ASTN2: variants seen among roughly 807,000 people sequenced by gnomAD.
ASTN2 encodes astrotactin-2.
ASTN2 carries 54 observed loss-of-function variants against 139.8 expected under a neutral mutation model. The observed-to-expected ratio is 0.39, with a 90% confidence interval of 0.31 to 0.48. The LOEUF (loss-of-function observed/expected upper bound fraction) is 0.48, where lower values mean the gene tolerates loss of function less well. Ranked by LOEUF, ASTN2 falls within the 20% of genes least tolerant of loss-of-function variation. The pLI is 0.95. For synonymous variants in ASTN2, 756 were observed against 719.5 expected (o/e 1.05, Z -0.81); for missense variants, 1,565 against 1,725.1 (o/e 0.91, Z 1.64).
Position 116,800,152 on chromosome 9 carries a change from C to T in ASTN2, c.2396+5480G>A, listed in dbSNP as rs116045266. On this transcript the variant is annotated intron_variant, in intron 13 of 22. Coordinates refer to ENST00000313400, the MANE Select transcript of ASTN2 (RefSeq NM_001365068.1). The stretch of plus-strand genomic sequence containing the variant: ...CTTTTCATGTCTCCTTCAGTCCTTC[C>T]GTCTTGCACACATTTCCCCCTTCCC... Among the ~76,000 whole-genome samples the T allele has an allele frequency of 3.2e-3, 490 of 152,192 alleles. 6 individuals are homozygous for T. The highest frequency in any genetic ancestry group is 0.011 in the African/African-American group (467 of 41,528).
At chr9:116,960,975 C>A (rs116008070) in intron 10 of ASTN2, among the ~76,000 whole-genome samples, 2 of 151,436 alleles carry the variant, frequency 1.3e-5, no homozygotes, top group African/African-American at 4.9e-5. Flanking sequence ...TAACTCAGTC[C>A]GGTCACACCT....
intron 19 of ASTN2, among the ~76,000 whole-genome samples, chr9:116,521,969 C>T (rs1271702408): frequency 2.0e-5 from 3 of 151,998 alleles, no homozygotes; most frequent in African/African-American, 7.2e-5. Flanking sequence ...TGTAATACTA[C>T]CTCACTCCAG....
intron 19 of ASTN2, among the ~76,000 whole-genome samples, chr9:116,549,842 T>G (rs1271568809): frequency 6.6e-6 from 1 of 152,174 alleles, no homozygotes; most frequent in Non-Finnish European, 1.5e-5. Context: ...AATATCTCTC[T>G]ACTCATGGTT....
At chr9:117,308,933 C>T (rs1056144797) in intron 1 of ASTN2, among the ~76,000 whole-genome samples, 4 of 152,078 alleles carry the variant, frequency 2.6e-5, no homozygotes, top group African/African-American at 9.7e-5. Flanking sequence ...GTGAACTTTC[C>T]AAATCAGTGA....
At chr9:116,623,417 G>C (rs899217303) in intron 17 of ASTN2, among the ~76,000 whole-genome samples, 6 of 152,088 alleles carry the variant, frequency 3.9e-5, no homozygotes, top group African/African-American at 1.4e-4. Context: ...AACACACCCT[G>C]ATAAAAGGCC....
At chr9:116,984,267 A>T (rs1316278692) in intron 7 of ASTN2, among the ~76,000 whole-genome samples, 1 of 152,194 alleles carries the variant, frequency 6.6e-6, no homozygotes, top group Admixed American at 6.5e-5. Context: ...GTGTCCCTAC[A>T]TCTGATCTGA....
chr9:116,450,303 T>C (rs536369439), intron 20 of ASTN2, among the ~76,000 whole-genome samples: 1 of 148,956 alleles, frequency 6.7e-6, no homozygotes, highest in Non-Finnish European at 1.5e-5. Flanking sequence ...ATATTTACTA[T>C]CTGGACCTCC....
At chr9:116,934,052 T>C (rs1391824101) in intron 10 of ASTN2, among the ~76,000 whole-genome samples, 2 of 142,170 alleles carry the variant, frequency 1.4e-5, no homozygotes, top group Non-Finnish European at 3.0e-5. Context: ...ATGGAGGTGA[T>C]CAGGGCACTT....
Position 117,399,196 on chromosome 9 carries a change from A to G in ASTN2, c.442+15301T>C, listed in dbSNP as rs992198213. On this transcript the variant is annotated intron_variant, in intron 1 of 22. Transcript: ENST00000313400. ...CTTAGAAAGCTTACATACTAACAAG[A>G]AAGGCCGACATGCAATCAACAATAT... Among the ~76,000 whole-genome samples, 11 of 152,328 alleles carry G rather than the reference A, an allele frequency of 7.2e-5. No homozygotes were observed. The East Asian group carries it at 2.1e-3, about 29-fold the overall frequency.
chr9:117,161,641 A>G (rs945384468), intron 3 of ASTN2, among the ~76,000 whole-genome samples: 4 of 152,014 alleles, frequency 2.6e-5, no homozygotes, highest in African/African-American at 7.2e-5. Flanking sequence ...TGATCTGCCC[A>G]CCTTGGCCTC....
chr9:116,930,273 T>C (rs959076892), intron 10 of ASTN2, among the ~76,000 whole-genome samples: 1 of 152,144 alleles, frequency 6.6e-6, no homozygotes, highest in Non-Finnish European at 1.5e-5. Flanking sequence ...TGGAAGGTGA[T>C]GGATATAAGG....
intron 2 of ASTN2, among the ~76,000 whole-genome samples, chr9:117,245,634 C>T (rs1056488441): frequency 6.6e-6 from 1 of 152,168 alleles, no homozygotes; most frequent in African/African-American, 2.4e-5. Flanking sequence ...CAGGCACACC[C>T]TGAATGCACT....
At chr9:117,291,063 T>A (rs994427109) in intron 2 of ASTN2, among the ~76,000 whole-genome samples, 1 of 152,236 alleles carries the variant, frequency 6.6e-6, no homozygotes, top group Admixed American at 6.5e-5. Flanking sequence ...TTCCCAGAGA[T>A]GTCAGCCAAA....
At chr9:116,541,324 T>C (rs1851868887) in intron 19 of ASTN2, among the ~76,000 whole-genome samples, 1 of 152,182 alleles carries the variant, frequency 6.6e-6, no homozygotes, top group Non-Finnish European at 1.5e-5. Context: ...TTTTGGTATA[T>C]ACTCTTATAG....
intron 16 of ASTN2, 108 bp from the exon 17 acceptor site, chr9:116,651,901 G>A (rs888415319): frequency 7.3e-7 from 1 of 1,369,916 alleles, no homozygotes; most frequent in East Asian, 2.3e-5. Context: ...TATCCATTGA[G>A]GAAGTAAAAA....
chr9:117,201,070 C>T (rs1445085974), intron 3 of ASTN2, among the ~76,000 whole-genome samples: 2 of 112,954 alleles, frequency 1.8e-5, no homozygotes, highest in Non-Finnish European at 3.4e-5. Flanking sequence ...TTGGTCTATT[C>T]TGGGATTCAA....
chr9:117,173,276 C>G (rs1162054012), intron 3 of ASTN2, among the ~76,000 whole-genome samples: 3 of 152,128 alleles, frequency 2.0e-5, no homozygotes, highest in African/African-American at 7.2e-5. Context: ...ATTCACCAAT[C>G]TTGAGTTTGA....
chr9:117,028,277 TAGCTGAGGTTCAGAAAGTTGCCAAG>T (rs1838153053), intron 6 of ASTN2, among the ~76,000 whole-genome samples: 1 of 152,132 alleles, frequency 6.6e-6, no homozygotes, highest in Non-Finnish European at 1.5e-5. Context: ...CCCCAGCCAT[TAGCTGAGGTTCAGAAAGTTGCCAAG>T]AGCTTCTGGA....
At chr9:117,092,082 A>T (rs1032265267) in intron 5 of ASTN2, among the ~76,000 whole-genome samples, 1 of 152,168 alleles carries the variant, frequency 6.6e-6, no homozygotes, top group African/African-American at 2.4e-5. Flanking sequence ...ACTGCATTTT[A>T]AAGATGGGAA....
Sources: gnomAD v4.1 joint callset for allele counts (sites outside exome capture counted in the v4.1 genomes callset) on GRCh38, gnomAD v4.1.1 for gene constraint, MANE v1.5 for transcripts, NCBI Gene and HGNC (gene_info 2026-07-23, HGNC 2026-07-21) for gene names.